TNPO3: variants seen among roughly 807,000 people sequenced by gnomAD.
TNPO3 encodes the protein transportin-3.
TNPO3 carries 65 observed loss-of-function variants against 122.8 expected under a neutral mutation model. That is an observed-to-expected ratio of 0.53 (90% CI 0.43 to 0.65). TNPO3 has a LOEUF of 0.65. Among genes scored for constraint, TNPO3 ranks in the 30% least tolerant of loss-of-function variants. TNPO3 has a pLI of 0.00. For synonymous variants in TNPO3, 372 were observed against 411.2 expected (o/e 0.90, Z 1.15); for missense variants, 850 against 1,136.7 (o/e 0.75, Z 3.63).
Position 128,990,035 on chromosome 7 carries a change from G to GT in TNPO3, c.1423dup (p.Thr475AsnfsTer9), listed in dbSNP as rs1270399063. 1.2e-6 allele frequency: 2 copies of GT among 1,614,156 alleles called. No individual in the cohort carries two copies. Among genetic ancestry groups the GT allele is most frequent in the South Asian group, 1.1e-5 (1 of 91,084 alleles). Reference sequence around the variant, plus strand: ...TTCAATGCTGGTGTATCGCACAGCCGTATGTACGGTCTCCGGGAGGCGGAC... The same window carrying GT: ...TTCAATGCTGGTGTATCGCACAGCCGTTATGTACGGTCTCCGGGAGGCGGAC... On this transcript the variant is annotated frameshift_variant, in exon 11 of 23. Coordinates refer to ENST00000265388, the MANE Select transcript of TNPO3 (RefSeq NM_012470.4). LOFTEE classifies it high-confidence loss of function.
At chr7:129,041,436 A>G (rs1414155984) in intron 1 of TNPO3, 1 of 563,904 alleles carries the variant, frequency 1.8e-6, no homozygotes, top group African/African-American at 2.0e-5. Flanking sequence ...CTGATACCCT[A>G]CAAACTACAG....
At position 128,984,236 on chromosome 7, in the gene TNPO3, A is replaced by G; in HGVS notation, c.1714T>C (p.Leu572=). The part of the protein sequence containing the change: ...LKGTALVLAR[L]PLDKITECLS... Reference sequence around the variant, plus strand: ...CATTCGGTAATCTTATCCAAAGGTAATCGGGCTAGGACAAGTGCTGTCCCT... The same window carrying G: ...CATTCGGTAATCTTATCCAAAGGTAGTCGGGCTAGGACAAGTGCTGTCCCT... Residue 572 remains leucine, a synonymous_variant, in exon 13 of 23, where the codon TTA becomes CTA. Coordinates refer to ENST00000265388, the MANE Select transcript of TNPO3 (RefSeq NM_012470.4). The G allele has an allele frequency of 1.2e-6, 2 of 1,613,210 alleles. No homozygotes were observed. The highest frequency in any genetic ancestry group is 1.1e-5 in the South Asian group (1 of 90,936).
chr7:128,984,332 G>A lies in TNPO3; in HGVS notation c.1691-73C>T, dbSNP rs148105425. On this transcript the variant is annotated intron_variant, in intron 12 of 22. Transcript: ENST00000265388. ...GTAACTTAACTGGACTACATCATGT[G>A]AGTGACCAGAAAAAGCGAACTGGTT... is the stretch of plus-strand genomic sequence containing the variant. 561 of 1,014,344 alleles carry A rather than the reference G, an allele frequency of 5.5e-4. 3 individuals carry two copies. Among genetic ancestry groups the A allele is most frequent in the Middle Eastern group, 2.6e-3 (12 of 4,650 alleles). The allele number at this position is 1,014,344 out of a possible 1,614,324, so 62.8% of individuals were successfully genotyped here. A position where few individuals can be genotyped will look rare whatever the true frequency, so the allele number is the denominator to read the frequency against.
chr7:128,958,137 C>CTTTTTT lies in TNPO3; in HGVS notation c.2712-828_2712-823dup, dbSNP rs55683535. On this transcript the variant is annotated intron_variant, in intron 21 of 22. Coordinates refer to ENST00000265388, the MANE Select transcript of TNPO3 (RefSeq NM_012470.4). ...AAAGCAGTGGAGAAGGAAGCACTTCCTTTTTTTTTTTTTTTTTTTTTTTGA... is the reference window on the plus strand; with the variant it reads ...AAAGCAGTGGAGAAGGAAGCACTTCCTTTTTTTTTTTTTTTTTTTTTTTTTTTTTGA... 6.0e-3 allele frequency among the ~76,000 whole-genome samples: 581 copies of CTTTTTT among 96,176 alleles called. 34 individuals are homozygous for CTTTTTT. The highest frequency in any genetic ancestry group is 0.012 in the South Asian group (28 of 2,402). 63.1% of individuals were successfully genotyped at this position (96,176 alleles called of 152,430 possible). A position where few individuals can be genotyped will look rare whatever the true frequency, so the allele number is the denominator to read the frequency against.
chr7:129,055,635 G>T (rs1809392766), upstream of TNPO3: 1 of 171,726 alleles, frequency 5.8e-6, no homozygotes, highest in Admixed American at 5.8e-5. Context: ...CCCAAAAGAG[G>T]TCTTCATTCT....
intron 5 of TNPO3, among the ~76,000 whole-genome samples, chr7:129,002,382 G>A (rs1047822004): frequency 3.3e-5 from 5 of 152,156 alleles, no homozygotes; most frequent in African/African-American, 1.2e-4. Context: ...AGACCAAAAG[G>A]TCCAAGAAGG....
intron 1 of TNPO3, among the ~76,000 whole-genome samples, chr7:129,052,968 G>A (rs772764603): frequency 1.3e-5 from 2 of 152,170 alleles, no homozygotes; most frequent in African/African-American, 2.4e-5. Context: ...AGCCTACAGT[G>A]AGTCGTATTC....
At chr7:129,048,763 C>T (rs181707103) in intron 1 of TNPO3, among the ~76,000 whole-genome samples, 2 of 152,142 alleles carry the variant, frequency 1.3e-5, no homozygotes, top group East Asian at 1.9e-4. Flanking sequence ...AAATAAAACT[C>T]GCAGATAAAG....
chr7:128,960,091 G>A (rs1037186736), intron 21 of TNPO3, among the ~76,000 whole-genome samples: 9 of 152,144 alleles, frequency 5.9e-5, no homozygotes. Context: ...GGTCAATGAT[G>A]GACTGCATGT....
At chr7:129,017,224 T>C (rs559103514) in intron 2 of TNPO3, among the ~76,000 whole-genome samples, 168 bp from the exon 3 acceptor site, 1 of 152,326 alleles carries the variant, frequency 6.6e-6, no homozygotes, top group Admixed American at 6.5e-5. Context: ...ATGTAAACTT[T>C]TTTGGGTTAG....
intron 14 of TNPO3, 102 bp from the exon 15 acceptor site, chr7:128,980,133 T>C (rs909039593): frequency 1.0e-6 from 1 of 971,028 alleles, no homozygotes; most frequent in Non-Finnish European, 1.7e-6. Context: ...TTTCACCAAA[T>C]AAAGAAAACC....
rs755420490 is a variant in TNPO3, at chr7:129,000,542, T to C, written c.898A>G (p.Thr300Ala). The change falls in exon 7 of 23, where the codon ACT (threonine) becomes GCT (alanine). Residue 300 changes from threonine to alanine, a missense_variant. Thr to Ala is a moderately conservative substitution (Grantham distance 58). Coordinates refer to ENST00000265388, the MANE Select transcript of TNPO3 (RefSeq NM_012470.4). ...TCAAGAAAAGTTTCACATAGTTCAG[T>C]GAAAATACGGCAGTAATTCAGAACT... ...DKVLNYCRIFTELCETFLEKI... is the reference protein window; with the variant it reads ...DKVLNYCRIFAELCETFLEKI... 1 of 1,613,936 alleles carries C rather than the reference T, an allele frequency of 6.2e-7. No homozygotes were observed. The highest frequency in any genetic ancestry group is 8.5e-7 in the Non-Finnish European group (1 of 1,179,934).
chr7:128,986,652 C>T, intron 12 of TNPO3, 77 bp downstream of exon 12: 9 of 1,372,476 alleles, frequency 6.6e-6, no homozygotes, highest in Non-Finnish European at 7.9e-6. Context: ...AACTGAAAAA[C>T]TGGGATATGA....
At chr7:129,000,723 T>C (rs1295716835) in intron 6 of TNPO3, among the ~76,000 whole-genome samples, 156 bp from the exon 7 acceptor site, 1 of 152,212 alleles carries the variant, frequency 6.6e-6, no homozygotes, top group East Asian at 1.9e-4. Flanking sequence ...GACAGACACC[T>C]TTACCTAGAT....
intron 1 of TNPO3, among the ~76,000 whole-genome samples, chr7:129,050,055 C>A (rs1338959565): frequency 6.6e-6 from 1 of 152,000 alleles, no homozygotes. Context: ...GAGACCCCAA[C>A]TTTTCTTTTC....
chr7:129,047,575 G>A (rs1327540808), intron 1 of TNPO3, among the ~76,000 whole-genome samples: 1 of 152,132 alleles, frequency 6.6e-6, no homozygotes, highest in Middle Eastern at 3.2e-3. Flanking sequence ...AAATATTAGA[G>A]AAAGAGAAAA....
chr7:129,026,394 ATTTTTTTTT>A (rs969403916), intron 1 of TNPO3, among the ~76,000 whole-genome samples: 2 of 94,714 alleles, frequency 2.1e-5, no homozygotes, highest in Non-Finnish European at 4.1e-5. Context: ...TGACGTTTGA[ATTTTTTTTT>A]TTTTTTTTTT....
At chr7:129,000,383 G>A (rs1304994029) in intron 7 of TNPO3, 46 bp downstream of exon 7, 2 of 1,524,136 alleles carry the variant, frequency 1.3e-6, no homozygotes, top group Non-Finnish European at 1.8e-6. Context: ...ATAATATGCA[G>A]CACACAACTT....
intron 20 of TNPO3, among the ~76,000 whole-genome samples, chr7:128,968,799 C>T (rs1433519252): frequency 3.9e-5 from 6 of 152,152 alleles, no homozygotes; most frequent in Admixed American, 6.5e-5. Flanking sequence ...CAGGCTGGAA[C>T]TCCTGGGCTT....
Sources: allele counts gnomAD v4.1 joint callset (sites outside exome capture counted in the v4.1 genomes callset), GRCh38; gene constraint gnomAD v4.1.1; transcripts MANE v1.5; gene names NCBI Gene and HGNC (gene_info 2026-07-23, HGNC 2026-07-21).